PRR16: variants seen among roughly 807,000 people sequenced by gnomAD.
PRR16 encodes the protein proline rich 16, also known as protein Largen.
PRR16 carries 6 observed loss-of-function variants against 18.2 expected under a neutral mutation model. The observed-to-expected ratio is 0.33, with a 90% CI of 0.18 to 0.65. The LOEUF (loss-of-function observed/expected upper bound fraction) is 0.65. PRR16 is among the 30% of genes least tolerant of loss of function. The pLI, the probability that PRR16 is intolerant of heterozygous loss-of-function variation, is 0.74. For missense variants in PRR16, 412 were observed against 376.6 expected (o/e 1.09, Z -0.78); for synonymous variants, 151 against 147.8 (o/e 1.02, Z -0.16).
At chr5:120,775,122 G>T in the PRR16 span, among the ~76,000 whole-genome samples, 3 of 152,072 alleles carry the variant, frequency 2.0e-5, no homozygotes, top group African/African-American at 7.2e-5. Flanking sequence ...TATCAACAAA[G>T]AGTTCCTTTT....
At chr5:120,741,534 C>A in the PRR16 span, among the ~76,000 whole-genome samples, 4 of 152,112 alleles carry the variant, frequency 2.6e-5, no homozygotes, top group African/African-American at 9.7e-5. Flanking sequence ...ACATTTTTGT[C>A]TTATTCCACA....
At chr5:120,630,234 T>A (rs536024312) in intron 1 of PRR16, among the ~76,000 whole-genome samples, 112 of 152,300 alleles carry the variant, frequency 7.4e-4, no homozygotes, top group African/African-American at 2.5e-3. Context: ...CTTCATTTTG[T>A]CTTGTTCATT....
chr5:120,600,546 A>G (rs1040741043), intron 1 of PRR16, among the ~76,000 whole-genome samples: 3 of 151,846 alleles, frequency 2.0e-5, no homozygotes, highest in Non-Finnish European at 4.4e-5. Context: ...TTTTTTCCCA[A>G]TGATTTTATT....
At chr5:120,553,082 T>A (rs760669932) in intron 1 of PRR16, among the ~76,000 whole-genome samples, 20 of 151,846 alleles carry the variant, frequency 1.3e-4, no homozygotes, top group Admixed American at 1.3e-3. Flanking sequence ...ATGAAAGGTA[T>A]ATAAAGGTTA....
At chr5:120,599,773 A>G (rs935190624) in intron 1 of PRR16, among the ~76,000 whole-genome samples, 2 of 151,780 alleles carry the variant, frequency 1.3e-5, no homozygotes, top group African/African-American at 4.8e-5. Flanking sequence ...AGCGTCTTTC[A>G]GTTTAGAACC....
chr5:120,583,504 T>C (rs567690998), intron 1 of PRR16, among the ~76,000 whole-genome samples: 16 of 152,178 alleles, frequency 1.1e-4, no homozygotes, highest in Admixed American at 2.6e-4. Flanking sequence ...GGGGAGACTT[T>C]ATTTTGTGTC....
chr5:120,651,350 A>G (rs1755782594), intron 1 of PRR16, among the ~76,000 whole-genome samples: 1 of 152,058 alleles, frequency 6.6e-6, no homozygotes, highest in South Asian at 2.1e-4. Context: ...CCATTTGTCC[A>G]TTTTGGCTTT....
the PRR16 span, among the ~76,000 whole-genome samples, chr5:120,792,796 A>T: frequency 6.6e-6 from 1 of 152,190 alleles, no homozygotes; most frequent in Admixed American, 6.6e-5. Context: ...AGTTGGAGAG[A>T]ACTACATTAA....
At chr5:120,522,285 C>A (rs1751208700) in intron 1 of PRR16, among the ~76,000 whole-genome samples, 1 of 152,176 alleles carries the variant, frequency 6.6e-6, no homozygotes, top group South Asian at 2.1e-4. Flanking sequence ...TACAGTCCCA[C>A]CAACAGTGTA....
At chr5:120,490,714 G>T (rs2691094) in intron 1 of PRR16, among the ~76,000 whole-genome samples, 108,813 of 152,110 alleles carry the variant, frequency 0.72, 40,118 homozygotes, top group East Asian at 0.97. Flanking sequence ...TTCCTTTGGA[G>T]GAGGAGAGGC....
intron 1 of PRR16, among the ~76,000 whole-genome samples, chr5:120,667,006 A>G (rs1161800771): frequency 6.7e-6 from 1 of 149,218 alleles, no homozygotes; most frequent in Non-Finnish European, 1.5e-5. Context: ...CTCTTTTTCT[A>G]TTGATTGGAA....
chr5:120,667,383 T>C (rs1347347593), intron 1 of PRR16, among the ~76,000 whole-genome samples: 1 of 152,166 alleles, frequency 6.6e-6, no homozygotes, highest in Non-Finnish European at 1.5e-5. Flanking sequence ...CTATCAATTT[T>C]GTTGATCCTT....
chr5:120,754,400 AT>A, the PRR16 span, among the ~76,000 whole-genome samples: 1 of 20,472 alleles, frequency 4.9e-5, no homozygotes, highest in African/African-American at 2.8e-4. Flanking sequence ...TATGTTATAT[AT>A]TATACTATAT....
chr5:120,618,267 C>T (rs948507881), intron 1 of PRR16, among the ~76,000 whole-genome samples: 2 of 152,002 alleles, frequency 1.3e-5, no homozygotes, highest in African/African-American at 4.8e-5. Flanking sequence ...CAGTTGCATT[C>T]TTTTGTCATG....
intron 1 of PRR16, among the ~76,000 whole-genome samples, chr5:120,556,110 T>C (rs544241103): frequency 1.3e-5 from 2 of 151,820 alleles, no homozygotes; most frequent in South Asian, 4.2e-4. Context: ...CTTTTTTTTT[T>C]CCTACTCCAA....
chr5:120,519,442 A>G (rs1423468179), intron 1 of PRR16, among the ~76,000 whole-genome samples: 1 of 152,164 alleles, frequency 6.6e-6, no homozygotes, highest in African/African-American at 2.4e-5. Context: ...TATGATAGGC[A>G]TTGAGTGATG....
At chr5:120,741,347 A>C in the PRR16 span, among the ~76,000 whole-genome samples, 1 of 152,150 alleles carries the variant, frequency 6.6e-6, no homozygotes, top group African/African-American at 2.4e-5. Flanking sequence ...GATTGCAGGC[A>C]CCTGCTACTC....
chr5:120,538,166 G>A (rs1475034470), intron 1 of PRR16, among the ~76,000 whole-genome samples: 4 of 152,170 alleles, frequency 2.6e-5, no homozygotes. Flanking sequence ...TCTATTCATT[G>A]ATTTCATTTA....
chr5:120,507,528 C>T (rs942157147), intron 1 of PRR16, among the ~76,000 whole-genome samples: 2 of 151,912 alleles, frequency 1.3e-5, no homozygotes, highest in Non-Finnish European at 2.9e-5. Flanking sequence ...AGTGTGATTC[C>T]TTCAGGATTA....
Sources: allele counts gnomAD v4.1 joint callset (sites outside exome capture counted in the v4.1 genomes callset), GRCh38; gene constraint gnomAD v4.1.1; transcripts MANE v1.5; gene names NCBI Gene and HGNC (gene_info 2026-07-23, HGNC 2026-07-21).